The following TMPRSS9 variants were observed in gnomAD, a reference collection of about 807,000 sequenced individuals.
TMPRSS9 encodes the protein transmembrane serine protease 9, also known as transmembrane protease serine 9.
Under a neutral mutation model 111.4 loss-of-function variants are expected in TMPRSS9, and 113 were observed. The observed-to-expected ratio is 1.01, with a 90% confidence interval of 0.87 to 1.19. TMPRSS9 has a LOEUF of 1.19. Among genes scored for constraint, TMPRSS9 ranks in the 50% most tolerant of loss-of-function variants. The pLI, the probability that TMPRSS9 is intolerant of heterozygous loss-of-function variation, is 0.00. For synonymous variants in TMPRSS9, 805 were observed against 659.1 expected (o/e 1.22, Z -3.39); for missense variants, 1,803 against 1,513.1 (o/e 1.19, Z -3.18).
chr19:2,413,800 C>A (rs150970765), exon 10 of TMPRSS9: 1 of 1,613,766 alleles, frequency 6.2e-7, no homozygotes, highest in Non-Finnish European at 8.5e-7. Flanking sequence ...GCCCGGCGTC[C>A]AGGGGTCTAT....
chr19:2,392,983 C>T (rs1032195293), intron 1 of TMPRSS9, among the ~76,000 whole-genome samples: 1 of 152,066 alleles, frequency 6.6e-6, no homozygotes, highest in Non-Finnish European at 1.5e-5. Flanking sequence ...CAATCAGCAC[C>T]CTGCGTCTAG....
intron 4 of TMPRSS9, among the ~76,000 whole-genome samples, chr19:2,400,418 T>C (rs1245985520): frequency 1.3e-5 from 2 of 152,032 alleles, no homozygotes; most frequent in Non-Finnish European, 2.9e-5. Flanking sequence ...GGCACGTGCC[T>C]GTAATCCCAG....
chr19:2,377,471 C>A (rs1485877546), intron 1 of TMPRSS9, among the ~76,000 whole-genome samples: 1 of 82,576 alleles, frequency 1.2e-5, no homozygotes, highest in African/African-American at 6.8e-5. Context: ...TCTCCCCTCT[C>A]CCCTCTCCTC....
chr19:2,416,382 C>T, intron 11 of TMPRSS9, 156 bp from the exon 13 acceptor site: 2 of 992,146 alleles, frequency 2.0e-6, no homozygotes, highest in Non-Finnish European at 2.9e-6. Context: ...GCCCCTCTTT[C>T]CCTGGTCCTC....
intron 1 of TMPRSS9, among the ~76,000 whole-genome samples, chr19:2,365,501 G>A (rs1970240776): frequency 6.6e-6 from 1 of 152,078 alleles, no homozygotes; most frequent in Non-Finnish European, 1.5e-5. Flanking sequence ...GACAACAGCT[G>A]TCTGTTCTAT....
intron 14 of TMPRSS9, among the ~76,000 whole-genome samples, chr19:2,423,422 C>T (rs1010021971): frequency 1.4e-5 from 2 of 140,710 alleles, no homozygotes. Flanking sequence ...TTTCCCCTTA[C>T]TGGCCTTGGT....
At chr19:2,394,661 T>C (rs1456559805) in intron 1 of TMPRSS9, among the ~76,000 whole-genome samples, 1 of 152,126 alleles carries the variant, frequency 6.6e-6, no homozygotes, top group East Asian at 1.9e-4. Flanking sequence ...TTCTATCTAC[T>C]GAATATATGG....
At chr19:2,401,900 G>C (rs1286150381) in intron 4 of TMPRSS9, 75 bp from the exon 6 acceptor site, 1 of 1,388,646 alleles carries the variant, frequency 7.2e-7, no homozygotes, top group African/African-American at 1.5e-5. Flanking sequence ...GAGCCACCGC[G>C]CCCGGCCAAT....
In TMPRSS9 at chr19:2,399,073, C is replaced by T. The variant is rs140728595; in HGVS notation, c.394C>T (p.Leu132Phe). Residue 132 changes from leucine to phenylalanine, a missense_variant, in exon 4 of 18, where the codon CTC becomes TTC. Coordinates refer to ENST00000648592, the Ensembl canonical transcript of TMPRSS9. ...CCAGCTGCACTTTCTGCTGCGACCCCTCCAGACGCTGAGCCTGGGCCTGGA... is the reference window on the plus strand; with the variant it reads ...CCAGCTGCACTTTCTGCTGCGACCCTTCCAGACGCTGAGCCTGGGCCTGGA... 1,239 of 1,613,624 alleles carry T rather than the reference C, an allele frequency of 7.7e-4. 16 individuals carry two copies. The African/African-American group carries it at 0.014, about 19-fold the overall frequency.
At chr19:2,413,811 G>T (rs1445445508) in exon 10 of TMPRSS9, 6 of 1,613,808 alleles carry the variant, frequency 3.7e-6, no homozygotes, top group South Asian at 1.1e-5. Context: ...AGGGGTCTAT[G>T]CCCGAGTCAC....
At chr19:2,364,855 C>T (rs775194912) in intron 1 of TMPRSS9, among the ~76,000 whole-genome samples, 4 of 151,758 alleles carry the variant, frequency 2.6e-5, no homozygotes, top group East Asian at 1.9e-4. Context: ...GGCCTGGTGG[C>T]GGGCGCCTGT....
intron 1 of TMPRSS9, among the ~76,000 whole-genome samples, chr19:2,368,452 G>C (rs1161188540): frequency 6.6e-6 from 1 of 152,186 alleles, no homozygotes; most frequent in Non-Finnish European, 1.5e-5. Context: ...TTTGGGGATC[G>C]GCGAGGAGGC....
At chr19:2,366,403 C>A (rs759689171) in intron 1 of TMPRSS9, among the ~76,000 whole-genome samples, 5 of 152,084 alleles carry the variant, frequency 3.3e-5, no homozygotes, top group Non-Finnish European at 7.4e-5. Flanking sequence ...GACCTGCCGT[C>A]CTGTGTATTA....
intron 1 of TMPRSS9, among the ~76,000 whole-genome samples, chr19:2,384,167 A>G (rs935074303): frequency 7.2e-5 from 11 of 152,224 alleles, no homozygotes; most frequent in Admixed American, 2.0e-4. Context: ...TCTAATGGGG[A>G]AAAGTGTGTT....
rs776276203 is a variant in TMPRSS9, at chr19:2,425,913, T to C, written c.3121-14T>C. The C allele has an allele frequency of 1.3e-6, 2 of 1,576,152 alleles. No homozygotes were observed. Among genetic ancestry groups the C allele is most frequent in the Admixed American group, 4.0e-5 (2 of 49,746 alleles). ...GTACCGGCCTCTGAACCCCCTTTCT[T>C]CTCTCCCCAACAGGGTGACGCTGGG... is the stretch of plus-strand genomic sequence containing the variant. On this transcript the variant is annotated splice_polypyrimidine_tract_variant and intron_variant, in intron 17 of 17. Transcript: ENST00000648592.
chr19:2,405,504 C>G (rs1201511641), exon 7 of TMPRSS9: 2 of 1,602,724 alleles, frequency 1.2e-6, no homozygotes, highest in Admixed American at 3.5e-5. Flanking sequence ...CCGCCATCAT[C>G]AACGCCAGGT....
chr19:2,375,841 G>A (rs544381398), intron 1 of TMPRSS9, among the ~76,000 whole-genome samples: 1 of 152,148 alleles, frequency 6.6e-6, no homozygotes, highest in Non-Finnish European at 1.5e-5. Context: ...GCAGATCAAC[G>A]ACCTGGGGAA....
In TMPRSS9 at chr19:2,415,808, G is replaced by A. The variant is rs754414699; in HGVS notation, c.1712G>A (p.Arg571His). ...TGCGGAGCAACTGTGGTGGGGGACC[G>A]CTGGCTGCTGTCTGCCGCCCACTGC... Residue 571 changes from arginine to histidine, a missense_variant, in exon 11 of 18, where the codon CGC becomes CAC. By Grantham distance (29) the Arg-to-His change is conservative. Transcript: ENST00000648592. The A allele has an allele frequency of 1.2e-5, 20 of 1,601,130 alleles. No homozygotes were observed. Among genetic ancestry groups the A allele is most frequent in the Middle Eastern group, 1.7e-4 (1 of 5,884 alleles).
upstream of TMPRSS9, among the ~76,000 whole-genome samples, chr19:2,385,156 C>T (rs1026051944): frequency 7.9e-5 from 3 of 37,828 alleles, no homozygotes; most frequent in South Asian, 1.5e-3. Flanking sequence ...GCGGAGCTCG[C>T]GGAGGGCGGG....
Sources: gnomAD v4.1 joint callset for allele counts (sites outside exome capture counted in the v4.1 genomes callset) on GRCh38, gnomAD v4.1.1 for gene constraint, MANE v1.5 for transcripts, NCBI Gene and HGNC (gene_info 2026-07-23, HGNC 2026-07-21) for gene names.